CPA4: variants seen among roughly 807,000 people sequenced by gnomAD.
CPA4 encodes the protein carboxypeptidase A3.
In CPA4, 49 loss-of-function variants were observed where a neutral mutation model predicts 54.7. The ratio of observed to expected loss-of-function variants is 0.90; its 90% CI spans 0.71 to 1.14. The LOEUF (loss-of-function observed/expected upper bound fraction) is 1.14. CPA4 is among the 50% of genes most tolerant of loss of function. The probability of loss-of-function intolerance (pLI) is 0.00; values close to 1 mark genes in which losing one functional copy is unlikely to be tolerated. For synonymous variants in CPA4, 215 were observed against 206.8 expected (o/e 1.04, Z -0.34); for missense variants, 487 against 525.1 (o/e 0.93, Z 0.71).
chr7:130,319,044 G>A (rs527263330), intron 10 of CPA4, among the ~76,000 whole-genome samples: 2 of 152,264 alleles, frequency 1.3e-5, no homozygotes, highest in East Asian at 1.9e-4. Flanking sequence ...CTACTCTGCC[G>A]TCTTGGACTG....
At chr7:130,319,670 T>C (rs1794055657) in intron 10 of CPA4, among the ~76,000 whole-genome samples, 1 of 152,070 alleles carries the variant, frequency 6.6e-6, no homozygotes. Flanking sequence ...GAGGCAGATA[T>C]TACAGGAAGG....
At chr7:130,308,230 T>A (rs1257490643) in intron 7 of CPA4, 77 bp from the exon 8 acceptor site, 6 of 1,252,780 alleles carry the variant, frequency 4.8e-6, no homozygotes, top group African/African-American at 1.5e-5. Context: ...CCTGCCTGCG[T>A]GTCATCTCCA....
At chr7:130,293,756 CCT>C (rs1319789770) in intron 1 of CPA4, among the ~76,000 whole-genome samples, 1 of 152,166 alleles carries the variant, frequency 6.6e-6, no homozygotes, top group Admixed American at 6.5e-5. Context: ...ATGCTCTACC[CCT>C]GAGCTACACC....
chr7:130,296,192 A>G (rs1793646027), intron 1 of CPA4, among the ~76,000 whole-genome samples: 1 of 152,136 alleles, frequency 6.6e-6, no homozygotes, highest in Non-Finnish European at 1.5e-5. Context: ...AAGCATACAA[A>G]AGTACGCGGT....
At chr7:130,313,375 T>C (rs1793941693) in intron 10 of CPA4, among the ~76,000 whole-genome samples, 1 of 152,238 alleles carries the variant, frequency 6.6e-6, no homozygotes, top group Admixed American at 6.5e-5. Flanking sequence ...CCTTTAGCTT[T>C]TTAGCCCTTT....
intron 3 of CPA4, 147 bp downstream of exon 3, chr7:130,299,551 G>C: frequency 1.5e-6 from 1 of 685,262 alleles, no homozygotes; most frequent in Non-Finnish European, 2.4e-6. Flanking sequence ...AAAGTGCAGT[G>C]ACTTGTTAGA....
At chr7:130,315,825 T>C (rs906261490) in intron 10 of CPA4, among the ~76,000 whole-genome samples, 5 of 152,310 alleles carry the variant, frequency 3.3e-5, no homozygotes, top group Non-Finnish European at 5.9e-5. Flanking sequence ...TGACGCTTTG[T>C]GGCAAATAGA....
At chr7:130,315,108 G>C (rs1026748121) in intron 10 of CPA4, among the ~76,000 whole-genome samples, 4 of 151,728 alleles carry the variant, frequency 2.6e-5, no homozygotes, top group African/African-American at 9.7e-5. Flanking sequence ...TTAGGTGTGA[G>C]GGGGGGAATT....
At chr7:130,306,720 T>C (rs1212893950) in intron 6 of CPA4, 67 bp from the exon 7 acceptor site, 1 of 915,890 alleles carries the variant, frequency 1.1e-6, no homozygotes, top group East Asian at 2.4e-5. Flanking sequence ...CTTGAGAAGA[T>C]ACATGGTTCA....
At chr7:130,308,183 C>A (rs775261047) in intron 7 of CPA4, 124 bp from the exon 8 acceptor site, 13 of 774,280 alleles carry the variant, frequency 1.7e-5, no homozygotes, top group Non-Finnish European at 3.0e-5. Context: ...GGACTAGGAG[C>A]CCCAGGGCCC....
intron 2 of CPA4, 36 bp from the exon 3 acceptor site, chr7:130,299,234 G>T (rs768971079): frequency 6.2e-7 from 1 of 1,606,204 alleles, no homozygotes; most frequent in African/African-American, 1.3e-5. Context: ...TTACCTGAAC[G>T]GTCCTTTAAC....
At chr7:130,297,222 T>C (rs995266794) in intron 1 of CPA4, among the ~76,000 whole-genome samples, 1 of 152,234 alleles carries the variant, frequency 6.6e-6, no homozygotes, top group Non-Finnish European at 1.5e-5. Context: ...CCTGAAGCAC[T>C]GGGATCACAA....
At position 130,308,850 on chromosome 7, in the gene CPA4, C is replaced by CTTTTTTTTTTTTTTTTT. The variant is rs1249548992; in HGVS notation, c.793+468_793+469insTTTTTTTTTTTTTTTTT. ...ATAGCCGTAAGCCACCTAGCCCAGC[C>CTTTTTTTTTTTTTTTTT]TTTTTTTTTTTTTTTGAGACAGAGT... On this transcript the variant is annotated intron_variant, in intron 8 of 10. Coordinates refer to ENST00000222482, the MANE Select transcript of CPA4 (RefSeq NM_016352.4). Among the ~76,000 whole-genome samples, 88 of 120,260 alleles carry CTTTTTTTTTTTTTTTTT rather than the reference C, an allele frequency of 7.3e-4. 10 individuals carry two copies. Among genetic ancestry groups the CTTTTTTTTTTTTTTTTT allele is most frequent in the African/African-American group, 3.1e-3 (86 of 28,068 alleles). The allele number at this position is 120,260 out of a possible 152,430, so 78.9% of individuals were successfully genotyped here. A position where few individuals can be genotyped will look rare whatever the true frequency, so the allele number is the denominator to read the frequency against.
chr7:130,295,933 C>T (rs1053339576), intron 1 of CPA4, among the ~76,000 whole-genome samples: 27 of 152,288 alleles, frequency 1.8e-4, no homozygotes, highest in African/African-American at 5.5e-4. Flanking sequence ...GAGCTGAGAT[C>T]GTGCTATTGC....
chr7:130,293,198 CATTGGGGCCCTT>C lies in CPA4; in HGVS notation c.25_36del (p.Ala9_Gly12del), dbSNP rs763635740. The stretch of plus-strand genomic sequence containing the variant: ...CCGGGGACATGAGGTGGATACTGTT[CATTGGGGCCCTT>C]ATTGGGTCCAGCATCTGTGGCCAAG... On this transcript the variant is annotated inframe_deletion, in exon 1 of 11. Coordinates refer to ENST00000222482, the MANE Select transcript of CPA4 (RefSeq NM_016352.4). 7.4e-6 allele frequency: 12 copies of C among 1,611,694 alleles called. 1 individual carries two copies. In the South Asian group the frequency reaches 1.1e-4, roughly 15 times the overall value.
intron 3 of CPA4, among the ~76,000 whole-genome samples, chr7:130,300,399 A>C (rs921315746): frequency 4.7e-5 from 7 of 148,390 alleles, no homozygotes; most frequent in Non-Finnish European, 1.0e-4. Context: ...ATAATGGTGC[A>C]ATCTCGGCTC....
chr7:130,296,704 T>TTTTTA (rs1793654253), intron 1 of CPA4, among the ~76,000 whole-genome samples: 7 of 116,374 alleles, frequency 6.0e-5, no homozygotes, highest in South Asian at 2.8e-4. Context: ...TTTTTTTTTT[T>TTTTTA]GAGACAGGGT....
chr7:130,309,293 A>G (rs943726012), intron 8 of CPA4, among the ~76,000 whole-genome samples: 1 of 151,972 alleles, frequency 6.6e-6, no homozygotes, highest in Non-Finnish European at 1.5e-5. Context: ...TCTAAGACAT[A>G]CAAAACGGGG....
In CPA4 at chr7:130,298,768, G is replaced by A. The variant is rs778034964; in HGVS notation, c.91G>A (p.Val31Ile). Residue 31 changes from valine to isoleucine, a missense_variant, in exon 2 of 11, where the codon GTC becomes ATC. Val to Ile is a conservative substitution (Grantham distance 29, BLOSUM62 3). Coordinates refer to ENST00000222482, the MANE Select transcript of CPA4 (RefSeq NM_016352.4). The part of the protein sequence containing the change: ...FFGDQVLRIN[V>I]RNGDEISKLS... ...CAGGGACCAAGTTTTGAGGATTAAT[G>A]TCAGAAATGGAGACGAGATCAGCAA... 2.5e-6 allele frequency: 4 copies of A among 1,610,856 alleles called. No individual in the cohort carries two copies. Among genetic ancestry groups the A allele is most frequent in the Middle Eastern group, 1.7e-4 (1 of 6,060 alleles).
Sources: allele counts gnomAD v4.1 joint callset (sites outside exome capture counted in the v4.1 genomes callset), GRCh38; gene constraint gnomAD v4.1.1; transcripts MANE v1.5; gene names NCBI Gene and HGNC (gene_info 2026-07-23, HGNC 2026-07-21).